MRPS28: variants seen among roughly 807,000 people sequenced by gnomAD.
The protein encoded by MRPS28 is mitochondrial ribosomal protein S28, also known as small ribosomal subunit protein bS1m.
Under a neutral mutation model 10.8 loss-of-function variants are expected in MRPS28, and 7 were observed. That is an observed-to-expected ratio of 0.65 (90% CI 0.37 to 1.22). The LOEUF is 1.22. Ranked by LOEUF, MRPS28 falls within the 50% of genes most tolerant of loss-of-function variation. The pLI, the probability that MRPS28 is intolerant of heterozygous loss-of-function variation, is 0.02. For missense variants in MRPS28, 265 were observed against 232.9 expected (o/e 1.14, Z -0.90); for synonymous variants, 121 against 93.3 (o/e 1.30, Z -1.71).
chr8:79,944,701 CTTTTT>C (rs57397948), intron 2 of MRPS28, among the ~76,000 whole-genome samples: 2 of 137,636 alleles, frequency 1.5e-5, no homozygotes, highest in Non-Finnish European at 3.1e-5. Context: ...TTTCTTTTTT[CTTTTT>C]TTTTTTTGAG....
chr8:79,953,620 T>C (rs538796266), intron 2 of MRPS28, among the ~76,000 whole-genome samples: 2 of 152,294 alleles, frequency 1.3e-5, no homozygotes, highest in South Asian at 2.1e-4. Context: ...TTCTAAAATA[T>C]ATATTAAGAC....
At chr8:79,948,235 C>G (rs1023688068) in intron 2 of MRPS28, among the ~76,000 whole-genome samples, 1 of 152,108 alleles carries the variant, frequency 6.6e-6, no homozygotes, top group South Asian at 2.1e-4. Context: ...AATCCACCCA[C>G]CTTGGCCTCC....
At chr8:80,003,282 T>C in intron 1 of MRPS28, 102 bp from the exon 2 acceptor site, 3 of 903,274 alleles carry the variant, frequency 3.3e-6, no homozygotes, top group Non-Finnish European at 4.7e-6. Context: ...GCAATAATTT[T>C]AAAATATATG....
At chr8:79,922,873 T>C (rs1810131480) in intron 2 of MRPS28, among the ~76,000 whole-genome samples, 1 of 151,964 alleles carries the variant, frequency 6.6e-6, no homozygotes, top group African/African-American at 2.4e-5. Flanking sequence ...TAACTTTATA[T>C]AAACAGAAAA....
At chr8:79,979,854 A>G (rs1807904279) in intron 2 of MRPS28, among the ~76,000 whole-genome samples, 1 of 150,758 alleles carries the variant, frequency 6.6e-6, no homozygotes, top group African/African-American at 2.5e-5. Context: ...ATGTTAAAGC[A>G]TAAAGCATTG....
intron 1 of MRPS28, among the ~76,000 whole-genome samples, chr8:80,019,219 G>A (rs181353488): frequency 3.3e-5 from 5 of 150,844 alleles, no homozygotes; most frequent in East Asian, 1.9e-4. Flanking sequence ...TTAACACAAA[G>A]AGTAAATGCT....
intron 2 of MRPS28, among the ~76,000 whole-genome samples, chr8:79,998,516 G>T (rs1034354336): frequency 6.6e-6 from 1 of 152,048 alleles, no homozygotes; most frequent in African/African-American, 2.4e-5. Flanking sequence ...TACTATTAAG[G>T]TCATGTCTTT....
chr8:79,924,752 C>A (rs1418218896), intron 2 of MRPS28, among the ~76,000 whole-genome samples: 1 of 152,140 alleles, frequency 6.6e-6, no homozygotes, highest in Non-Finnish European at 1.5e-5. Flanking sequence ...TGGTTTATTT[C>A]AGGTTTGCCC....
chr8:80,014,765 T>C (rs1326227722), intron 1 of MRPS28, among the ~76,000 whole-genome samples: 1 of 152,164 alleles, frequency 6.6e-6, no homozygotes, highest in Non-Finnish European at 1.5e-5. Context: ...GTCACCACCA[T>C]CAAGTTTTAT....
At chr8:79,937,994 C>A (rs963906800) in intron 2 of MRPS28, among the ~76,000 whole-genome samples, 2 of 152,264 alleles carry the variant, frequency 1.3e-5, no homozygotes, top group Middle Eastern at 6.8e-3. Flanking sequence ...TTTCCTAGAA[C>A]CTGATTAATT....
intron 2 of MRPS28, among the ~76,000 whole-genome samples, chr8:79,955,918 T>C (rs1249730157): frequency 6.6e-6 from 1 of 152,156 alleles, no homozygotes; most frequent in Non-Finnish European, 1.5e-5. Flanking sequence ...CTAACATTTA[T>C]TGAGTGCTAC....
At chr8:80,020,476 A>T (rs1316920616) in intron 1 of MRPS28, among the ~76,000 whole-genome samples, 1 of 152,222 alleles carries the variant, frequency 6.6e-6, no homozygotes, top group Non-Finnish European at 1.5e-5. Context: ...GTCAATGAAA[A>T]TGGTAAGTAT....
intron 2 of MRPS28, among the ~76,000 whole-genome samples, chr8:79,989,629 C>T (rs940933952): frequency 1.3e-5 from 2 of 152,200 alleles, no homozygotes; most frequent in South Asian, 2.1e-4. Context: ...ACATGAACCC[C>T]GCAACATTTC....
intron 2 of MRPS28, among the ~76,000 whole-genome samples, chr8:79,926,751 T>G (rs972557671): frequency 2.0e-5 from 3 of 152,210 alleles, no homozygotes; most frequent in Non-Finnish European, 4.4e-5. Context: ...GTGACAGACT[T>G]GGTATATCTG....
At chr8:79,944,652 C>T (rs1326079142) in intron 2 of MRPS28, among the ~76,000 whole-genome samples, 2 of 151,520 alleles carry the variant, frequency 1.3e-5, no homozygotes, top group Admixed American at 6.6e-5. Context: ...ATGCATTGAA[C>T]ACTGAAGAAT....
intron 2 of MRPS28, among the ~76,000 whole-genome samples, chr8:79,942,836 C>A (rs899635980): frequency 2.0e-5 from 3 of 152,028 alleles, no homozygotes; most frequent in Non-Finnish European, 4.4e-5. Context: ...GAAAAAAATA[C>A]ATGTTGTCTA....
At chr8:79,921,213 T>C (rs967244667) in intron 2 of MRPS28, among the ~76,000 whole-genome samples, 7 of 152,128 alleles carry the variant, frequency 4.6e-5, no homozygotes, top group Non-Finnish European at 1.0e-4. Context: ...CAGTTTGAAG[T>C]CAGGTAGTGT....
intron 1 of MRPS28, among the ~76,000 whole-genome samples, chr8:80,016,771 T>C (rs554377043): frequency 6.6e-6 from 1 of 152,332 alleles, no homozygotes; most frequent in South Asian, 2.1e-4. Flanking sequence ...TAATCCTTAA[T>C]GTGTACATGC....
intron 1 of MRPS28, among the ~76,000 whole-genome samples, chr8:80,018,251 G>T (rs1329572886): frequency 7.4e-6 from 1 of 135,146 alleles, no homozygotes; most frequent in Non-Finnish European, 1.5e-5. Flanking sequence ...AGCCGAGATC[G>T]TGCCACTGCA....
Sources: gnomAD v4.1 joint callset for allele counts (sites outside exome capture counted in the v4.1 genomes callset) on GRCh38, gnomAD v4.1.1 for gene constraint, MANE v1.5 for transcripts, NCBI Gene and HGNC (gene_info 2026-07-23, HGNC 2026-07-21) for gene names.